Variants in EIPR1 observed in about 807,000 individuals in gnomAD.
EIPR1 encodes EARP complex and GARP complex interacting protein 1, also known as EARP and GARP complex-interacting protein 1.
Under a neutral mutation model 48.1 loss-of-function variants are expected in EIPR1, and 25 were observed. The observed-to-expected ratio is 0.52, with a 90% CI of 0.38 to 0.73. The LOEUF is 0.73. EIPR1 is among the 30% of genes least tolerant of loss of function. The pLI, the probability that EIPR1 is intolerant of heterozygous loss-of-function variation, is 0.00. For synonymous variants in EIPR1, 204 were observed against 201.9 expected (o/e 1.01, Z -0.09); for missense variants, 415 against 506.2 (o/e 0.82, Z 1.73).
chr2:3,295,007 C>T lies in EIPR1; in HGVS notation c.260-37552G>A, dbSNP rs139107151. 4.4e-5 allele frequency among the ~76,000 whole-genome samples: 5 copies of T among 114,272 alleles called. No individual in the cohort carries two copies. The East Asian group carries it at 1.7e-3, about 38-fold the overall frequency. The allele number at this position is 114,272 out of a possible 152,430, so 75.0% of individuals were successfully genotyped here. A position where few individuals can be genotyped will look rare whatever the true frequency, so the allele number is the denominator to read the frequency against. ...TCTACACACACACACACACACCCTC[C>T]ATCCAGCCCATACTCTCTGCACACA... On this transcript the variant is annotated intron_variant, in intron 3 of 8. Transcript: ENST00000382125.
intron 3 of EIPR1, among the ~76,000 whole-genome samples, chr2:3,269,267 T>A (rs567102911): frequency 7.3e-5 from 7 of 95,402 alleles, no homozygotes; most frequent in Admixed American, 1.2e-4. Flanking sequence ...CACTCAGTCA[T>A]GGCACTCAGT....
intron 5 of EIPR1, among the ~76,000 whole-genome samples, chr2:3,200,791 G>A (rs978725463): frequency 6.6e-6 from 1 of 152,140 alleles, no homozygotes; most frequent in African/African-American, 2.4e-5. Context: ...AGCCGACACA[G>A]CACCAGGCAG....
chr2:3,239,610 A>T (rs769935874), intron 4 of EIPR1, among the ~76,000 whole-genome samples: 1 of 151,416 alleles, frequency 6.6e-6, no homozygotes, highest in Admixed American at 6.6e-5. Flanking sequence ...CCCTCAGGGC[A>T]TCCCTTCCTG....
chr2:3,292,870 A>C (rs187931168), intron 3 of EIPR1, among the ~76,000 whole-genome samples: 13 of 152,328 alleles, frequency 8.5e-5, no homozygotes, highest in African/African-American at 4.8e-5. Context: ...AAAAAAAAAA[A>C]AACTAAAACT....
At chr2:3,372,910 G>T (rs1034324748) in intron 1 of EIPR1, among the ~76,000 whole-genome samples, 24 of 151,882 alleles carry the variant, frequency 1.6e-4, no homozygotes, top group African/African-American at 5.3e-4. Flanking sequence ...TACCAAAGCC[G>T]GGCAGAGACA....
rs143510261 is a variant in EIPR1 at position 3,192,567 on chromosome 2, C to T, written c.836G>A (p.Arg279His). The change falls in exon 8 of 9, where the codon CGC becomes CAC. Residue 279 changes from arginine (R) to histidine (H), a missense_variant. Coordinates refer to ENST00000382125, the MANE Select transcript of EIPR1 (RefSeq NM_003310.5). Reference protein sequence around the residue: ...EEHSHWVWNVRYNHSHDQLVL... With the variant: ...EEHSHWVWNVHYNHSHDQLVL... Reference sequence around the variant, plus strand: ...CAGCTGGTCATGAGAGTGGTTGTAGCGGACGTTCCACACCCTGCAAAGGGC... The same window carrying T: ...CAGCTGGTCATGAGAGTGGTTGTAGTGGACGTTCCACACCCTGCAAAGGGC... 14 of 1,611,574 alleles carry T rather than the reference C, an allele frequency of 8.7e-6. No homozygotes were observed. The highest frequency in any genetic ancestry group is 8.0e-5 in the African/African-American group (6 of 74,874).
chr2:3,322,887 C>G (rs762197505), intron 3 of EIPR1, among the ~76,000 whole-genome samples: 1 of 152,244 alleles, frequency 6.6e-6, no homozygotes, highest in East Asian at 1.9e-4. Context: ...CCATCAGCAC[C>G]GTCCCTCCCG....
chr2:3,239,638 T>G (rs1240594289), intron 4 of EIPR1, among the ~76,000 whole-genome samples: 2 of 151,358 alleles, frequency 1.3e-5, no homozygotes, highest in East Asian at 1.9e-4. Flanking sequence ...ATTAACCCCC[T>G]TTCCACATGT....
chr2:3,345,857 A>C (rs1463534064), intron 2 of EIPR1, among the ~76,000 whole-genome samples: 1 of 152,136 alleles, frequency 6.6e-6, no homozygotes. Context: ...TGGTGCACAC[A>C]GAAGAGGGAA....
chr2:3,274,534 A>C, intron 3 of EIPR1: 3 of 1,337,374 alleles, frequency 2.2e-6, no homozygotes, highest in Non-Finnish European at 2.9e-6. Flanking sequence ...AATATTTTTA[A>C]AACCATGAGA....
chr2:3,229,189 A>T (rs1257838555), intron 4 of EIPR1, among the ~76,000 whole-genome samples: 1 of 152,176 alleles, frequency 6.6e-6, no homozygotes, highest in Non-Finnish European at 1.5e-5. Context: ...ACCAGAAAAG[A>T]TTTTGCTGGT....
rs1558295230 is a variant in EIPR1, at chr2:3,318,867, TC to T, written c.259+19149del. The stretch of plus-strand genomic sequence containing the variant: ...CACCTTTGAGCTCACCTGCGACCTG[TC>T]CCCTGAAGAAGACCTGGTGCAACGT... On this transcript the variant is annotated intron_variant, in intron 3 of 8. Coordinates refer to ENST00000382125, the MANE Select transcript of EIPR1 (RefSeq NM_003310.5). 4 of 471,166 alleles carry T rather than the reference TC, an allele frequency of 8.5e-6. No individual in the cohort carries two copies. In the Admixed American group the frequency reaches 9.4e-5, roughly 11 times the overall value. 29.2% of individuals were successfully genotyped at this position (471,166 alleles called of 1,614,324 possible).
At chr2:3,282,701 A>T (rs2103261729) in intron 3 of EIPR1, 1 of 152,386 alleles carries the variant, frequency 6.6e-6, no homozygotes, top group East Asian at 1.9e-4. Context: ...AGTCTGCACC[A>T]GGCCGGCGCC....
At chr2:3,267,939 C>G (rs1368471642) in intron 3 of EIPR1, among the ~76,000 whole-genome samples, 1 of 152,242 alleles carries the variant, frequency 6.6e-6, no homozygotes, top group Admixed American at 6.5e-5. Flanking sequence ...GCCCTGCAGA[C>G]CGTGCCCTGT....
intron 1 of EIPR1, among the ~76,000 whole-genome samples, chr2:3,376,300 A>G (rs1341866306): frequency 6.6e-6 from 1 of 152,194 alleles, no homozygotes; most frequent in Non-Finnish European, 1.5e-5. Context: ...CCAAGGTCAC[A>G]TAGTTAATAA....
chr2:3,189,613 T>G lies in EIPR1; in HGVS notation c.990-105A>C. 6 of 1,128,540 alleles carry G rather than the reference T, an allele frequency of 5.3e-6. No homozygotes were observed. The highest frequency in any genetic ancestry group is 7.2e-6 in the Non-Finnish European group (6 of 832,772). 69.9% of individuals were successfully genotyped at this position (1,128,540 alleles called of 1,614,324 possible). A position where few individuals can be genotyped will look rare whatever the true frequency, so the allele number is the denominator to read the frequency against. ...TGACATCGGGAGACACGGGAGGTAC[T>G]GGGGCCTCAGCTTTCTCCGCTGTGG... is the stretch of plus-strand genomic sequence containing the variant. On this transcript the variant is annotated intron_variant, in intron 8 of 8. Coordinates refer to ENST00000382125, the MANE Select transcript of EIPR1 (RefSeq NM_003310.5). The surrounding 1 kb of genome is among the most constrained non-coding windows in gnomAD (Gnocchi z 4.6).
chr2:3,370,009 C>A (rs554914738), intron 1 of EIPR1, among the ~76,000 whole-genome samples: 2 of 152,144 alleles, frequency 1.3e-5, no homozygotes, highest in African/African-American at 4.8e-5. Context: ...AGACTGACAC[C>A]TCACACGGCC....
chr2:3,203,759 G>T (rs2103119460), intron 5 of EIPR1, among the ~76,000 whole-genome samples: 1 of 152,336 alleles, frequency 6.6e-6, no homozygotes, highest in African/African-American at 2.4e-5. Flanking sequence ...GATGAGAAGA[G>T]ATCTGGGCTT....
chr2:3,316,297 C>G (rs55798522), intron 3 of EIPR1, among the ~76,000 whole-genome samples: 73,383 of 150,870 alleles, frequency 0.49, 20,071 homozygotes, highest in East Asian at 0.82. Flanking sequence ...CCTCTACCCT[C>G]ATGCTTTTAT....
Sources: allele counts gnomAD v4.1 joint callset (sites outside exome capture counted in the v4.1 genomes callset), GRCh38; gene constraint gnomAD v4.1.1; non-coding constraint Gnocchi (gnomAD v3.1); transcripts MANE v1.5; gene names NCBI Gene and HGNC (gene_info 2026-07-23, HGNC 2026-07-21).